USP13: variants seen among roughly 807,000 people sequenced by gnomAD.
The protein encoded by USP13 is ubiquitin carboxyl-terminal hydrolase 13.
In USP13, 68 loss-of-function variants were observed where a neutral mutation model predicts 107.8. The observed-to-expected ratio is 0.63, with a 90% confidence interval of 0.52 to 0.77. USP13 has a LOEUF of 0.77. Ranked by LOEUF, USP13 falls within the 30% of genes least tolerant of loss-of-function variation. USP13 has a pLI of 0.00. For synonymous variants in USP13, 377 were observed against 389.5 expected (o/e 0.97, Z 0.38); for missense variants, 945 against 1,093.3 (o/e 0.86, Z 1.91).
At chr3:179,677,898 GATA>G (rs1385725425) in intron 1 of USP13, among the ~76,000 whole-genome samples, 2 of 151,970 alleles carry the variant, frequency 1.3e-5, no homozygotes, top group Non-Finnish European at 2.9e-5. Context: ...AAATGATTCA[GATA>G]ATGAGATAAT....
chr3:179,789,051 AG>A lies in USP13; in HGVS notation c.*4913del, dbSNP rs1252682405. On this transcript the variant is annotated 3_prime_UTR_variant, in exon 21 of 21. Transcript: ENST00000263966. ...AGGTACCAAGGATATTAGCCACTTG[AG>A]GGTGTTGGGCATATTTGTTTCATTG... 2.6e-5 allele frequency: 4 copies of A among 152,130 alleles called. No individual in the cohort carries two copies. The highest frequency in any genetic ancestry group is 5.9e-5 in the Non-Finnish European group (4 of 68,032). The allele number at this position is 152,130 out of a possible 1,614,324, so 9.4% of individuals were successfully genotyped here.
intron 19 of USP13, among the ~76,000 whole-genome samples, chr3:179,777,443 C>CTTTTTTTTTTTT (rs11317182): frequency 2.6e-5 from 3 of 113,696 alleles, no homozygotes; most frequent in Non-Finnish European, 3.5e-5. Flanking sequence ...CTCTCTCTCT[C>CTTTTTTTTTTTT]TTTTTTTTTT....
Position 179,745,068 on chromosome 3 carries a change from G to A in USP13, c.1560G>A (p.Thr520=), listed in dbSNP as rs780697258. ...ATGAACTGATCGCTTATGAACTAAC[G>A]AGAAGGGAAGCAGAAGCAAACAGAA... is the stretch of plus-strand genomic sequence containing the variant. ...NKDELIAYEL[T]RREAEANRRP... The change falls in exon 13 of 21, where the codon ACG becomes ACA. Residue 520 remains threonine, a synonymous_variant. Coordinates refer to ENST00000263966, the MANE Select transcript of USP13 (RefSeq NM_003940.3). 6.8e-6 allele frequency: 11 copies of A among 1,614,154 alleles called. No homozygotes were observed. The highest frequency in any genetic ancestry group is 5.3e-5 in the African/African-American group (4 of 75,026).
chr3:179,728,964 C>T (rs974303788), intron 8 of USP13, among the ~76,000 whole-genome samples: 1 of 137,126 alleles, frequency 7.3e-6, no homozygotes, highest in Non-Finnish European at 1.6e-5. Flanking sequence ...AGAGGGAGAC[C>T]GTGGGGAGAC....
chr3:179,764,208 TGTGTGTGA>T (rs1715102883), intron 18 of USP13, 40 bp downstream of exon 18: 1 of 1,578,042 alleles, frequency 6.3e-7, no homozygotes, highest in African/African-American at 1.4e-5. Flanking sequence ...TGTGTGTGTG[TGTGTGTGA>T]ATTTATTTCT....
intron 1 of USP13, among the ~76,000 whole-genome samples, chr3:179,663,661 C>T (rs2108436190): frequency 6.6e-6 from 1 of 152,346 alleles, no homozygotes; most frequent in Middle Eastern, 3.4e-3. Context: ...CATTTGCCCG[C>T]CTTGAAATCC....
chr3:179,653,687 T>G lies in USP13; in HGVS notation c.168+294T>G, dbSNP rs1436997920. ...TTTAAAGATAGATGAAATACAAGAG[T>G]TCCCTGTTCCGAACTGCACGTTGCA... On this transcript the variant is annotated intron_variant, in intron 1 of 20. Coordinates refer to ENST00000263966, the MANE Select transcript of USP13 (RefSeq NM_003940.3). This position sits in a 1 kb window ranked among gnomAD's most constrained non-coding sequence, Gnocchi z 4.0. The G allele has an allele frequency of 8.1e-6, 3 of 371,854 alleles. No individual in the cohort carries two copies. The highest frequency in any genetic ancestry group is 2.1e-5 in the African/African-American group (1 of 46,830). 23.0% of individuals were successfully genotyped at this position (371,854 alleles called of 1,614,324 possible).
At chr3:179,774,225 T>G (rs1053849589) in intron 19 of USP13, among the ~76,000 whole-genome samples, 1 of 152,154 alleles carries the variant, frequency 6.6e-6, no homozygotes, top group Non-Finnish European at 1.5e-5. Context: ...ACTCACTTAT[T>G]ACCAGGAGAG....
intron 6 of USP13, among the ~76,000 whole-genome samples, chr3:179,716,189 G>C (rs904259105): frequency 4.6e-5 from 7 of 152,162 alleles, no homozygotes; most frequent in African/African-American, 1.7e-4. Context: ...CTCCCAAAGT[G>C]CTGGGATTAC....
intron 14 of USP13, among the ~76,000 whole-genome samples, chr3:179,752,724 A>T (rs932384629): frequency 3.9e-5 from 6 of 152,206 alleles, no homozygotes; most frequent in Non-Finnish European, 7.3e-5. Context: ...TGGGCCTGTG[A>T]TTCTGTGTTT....
chr3:179,667,679 T>A (rs1720627354), intron 1 of USP13, among the ~76,000 whole-genome samples: 1 of 152,128 alleles, frequency 6.6e-6, no homozygotes, highest in Non-Finnish European at 1.5e-5. Context: ...AGAGTTTCGC[T>A]CTTCTTGCCC....
intron 10 of USP13, among the ~76,000 whole-genome samples, chr3:179,732,514 G>A (rs1349301000): frequency 6.6e-6 from 1 of 152,074 alleles, no homozygotes; most frequent in African/African-American, 2.4e-5. Context: ...GGCAAGTCAT[G>A]CCACCTTCCA....
At chr3:179,735,495 A>C (rs888852312) in intron 10 of USP13, among the ~76,000 whole-genome samples, 1 of 151,798 alleles carries the variant, frequency 6.6e-6, no homozygotes, top group African/African-American at 2.4e-5. Flanking sequence ...ATGAATCTCT[A>C]TGTACTTGAT....
At chr3:179,726,505 A>G (rs1713520278) in intron 8 of USP13, among the ~76,000 whole-genome samples, 1 of 152,204 alleles carries the variant, frequency 6.6e-6, no homozygotes, top group East Asian at 1.9e-4. Context: ...GTGCATTATG[A>G]TTGGAGATCA....
At chr3:179,738,807 G>A (rs1429163832) in intron 10 of USP13, among the ~76,000 whole-genome samples, 1 of 152,224 alleles carries the variant, frequency 6.6e-6, no homozygotes, top group Non-Finnish European at 1.5e-5. Flanking sequence ...CAGTGCTGAA[G>A]CATTAGTGTC....
At chr3:179,682,088 C>A in intron 2 of USP13, 85 bp downstream of exon 2, 1 of 1,491,796 alleles carries the variant, frequency 6.7e-7, no homozygotes, top group South Asian at 1.4e-5. Flanking sequence ...GAAATTTGAC[C>A]ATGCCCACAT....
chr3:179,729,527 G>A (rs756175303), intron 8 of USP13, among the ~76,000 whole-genome samples: 1 of 152,030 alleles, frequency 6.6e-6, no homozygotes, highest in African/African-American at 2.4e-5. Flanking sequence ...GCTGGAGTCT[G>A]GTGGCATGAT....
intron 8 of USP13, among the ~76,000 whole-genome samples, chr3:179,726,112 TG>T (rs762959827): frequency 6.7e-6 from 1 of 150,028 alleles, no homozygotes; most frequent in Non-Finnish European, 1.5e-5. Flanking sequence ...TGAGGAAGGG[TG>T]GGGGCGGCCC....
intron 1 of USP13, among the ~76,000 whole-genome samples, chr3:179,655,094 G>A (rs1720211208): frequency 2.7e-5 from 1 of 37,066 alleles, no homozygotes; most frequent in East Asian, 1.5e-3. Flanking sequence ...AGGGATGATG[G>A]TCCTAACTTA....
Sources: allele counts gnomAD v4.1 joint callset (sites outside exome capture counted in the v4.1 genomes callset), GRCh38; gene constraint gnomAD v4.1.1; non-coding constraint Gnocchi (gnomAD v3.1); transcripts MANE v1.5; gene names NCBI Gene and HGNC (gene_info 2026-07-23, HGNC 2026-07-21).